The following AFF2 variants were observed in gnomAD, a reference collection of about 807,000 sequenced individuals.
AFF2 encodes the protein AF4/FMR2 family member 2.
In AFF2, 14 loss-of-function variants were observed where a neutral mutation model predicts 76.9. That is an observed-to-expected ratio of 0.18 (90% CI 0.12 to 0.28). The LOEUF (loss-of-function observed/expected upper bound fraction) is 0.28. Among genes scored for constraint, AFF2 ranks in the 10% least tolerant of loss-of-function variants. AFF2 has a pLI of 1.00. For synonymous variants in AFF2, 398 were observed against 366.7 expected, an observed-to-expected ratio of 1.09 and a Z score of -0.98; for missense variants, 868 against 1,001.1, an observed-to-expected ratio of 0.87 and a Z score of 1.79.
chrX:148,636,252 A>G (rs782706029), intron 1 of AFF2, among the ~76,000 whole-genome samples: 1 of 111,842 alleles, frequency 8.9e-6, no homozygotes, highest in South Asian at 3.8e-4. Context: ...CTAGCCAATC[A>G]GTGCTCTAAG....
At chrX:148,920,875 G>T (rs1557283125) in intron 9 of AFF2, among the ~76,000 whole-genome samples, 1 of 110,840 alleles carries the variant, frequency 9.0e-6, no homozygotes, top group Non-Finnish European at 1.9e-5. Flanking sequence ...TTGTGTTGGT[G>T]ATTTCGACGC....
intron 1 of AFF2, among the ~76,000 whole-genome samples, chrX:148,634,016 G>A (rs1271961363): frequency 5.4e-5 from 6 of 111,672 alleles, no homozygotes; most frequent in East Asian, 2.9e-4. Context: ...GCCACTGACC[G>A]GGTGGATGAC....
intron 3 of AFF2, among the ~76,000 whole-genome samples, chrX:148,777,870 C>G (rs1255313072): frequency 1.8e-5 from 2 of 111,942 alleles, no homozygotes; most frequent in African/African-American, 6.5e-5. Flanking sequence ...TTGCCCTGGC[C>G]AGAAATTCCA....
rs186447406 is a variant in AFF2 at position 148,973,636 on chromosome X, T to C, written c.3404+29T>C. ...AATAGCCTTTCTGCAATCATCTTCC[T>C]ACACTCATTTCAGCTAGAATTAGAA... On this transcript the variant is annotated intron_variant, in intron 16 of 20. Transcript: ENST00000370460. The C allele has an allele frequency of 2.8e-4, 328 of 1,158,186 alleles. 1 individual carries two copies. In the African/African-American group the frequency reaches 4.9e-3, roughly 17 times the overall value.
intron 20 of AFF2, among the ~76,000 whole-genome samples, chrX:148,989,433 T>A (rs2072510476): frequency 8.9e-6 from 1 of 112,227 alleles, no homozygotes; most frequent in Non-Finnish European, 1.9e-5. Context: ...GTTGCTAAAT[T>A]CCCTGTGTCA....
chrX:148,798,567 G>T, intron 3 of AFF2, among the ~76,000 whole-genome samples: 1 of 112,355 alleles, frequency 8.9e-6, no homozygotes, highest in South Asian at 3.7e-4. Flanking sequence ...TCAAGAGTAG[G>T]TCTGGTTAGT....
At chrX:148,806,730 C>T (rs1467303829) in intron 3 of AFF2, among the ~76,000 whole-genome samples, 6 of 111,855 alleles carry the variant, frequency 5.4e-5, no homozygotes, top group African/African-American at 2.0e-4. Flanking sequence ...GACTACCTTA[C>T]AATGTATGTC....
intron 3 of AFF2, among the ~76,000 whole-genome samples, chrX:148,703,216 G>T (rs919233906): frequency 1.2e-4 from 13 of 111,890 alleles, no homozygotes; most frequent in African/African-American, 4.2e-4. Context: ...AATATCAACT[G>T]CAATCTTCTA....
At chrX:148,711,710 A>G (rs1419614004) in intron 3 of AFF2, among the ~76,000 whole-genome samples, 2 of 112,093 alleles carry the variant, frequency 1.8e-5, no homozygotes, top group Non-Finnish European at 3.8e-5. Flanking sequence ...TTTTTATCCA[A>G]TATATTTCTT....
chrX:148,569,163 A>C (rs1360187409), intron 1 of AFF2, among the ~76,000 whole-genome samples: 1 of 110,698 alleles, frequency 9.0e-6, no homozygotes, highest in African/African-American at 3.3e-5. Flanking sequence ...GATGGTGATA[A>C]TGATCATGAT....
At chrX:148,889,000 A>G (rs1368000800) in intron 8 of AFF2, among the ~76,000 whole-genome samples, 1 of 111,843 alleles carries the variant, frequency 8.9e-6, no homozygotes, top group Non-Finnish European at 1.9e-5. Flanking sequence ...AAAGCCATTT[A>G]CTTTCTGGAG....
intron 1 of AFF2, among the ~76,000 whole-genome samples, chrX:148,576,769 A>T (rs1224533416): frequency 1.1e-5 from 1 of 94,319 alleles, no homozygotes; most frequent in Non-Finnish European, 2.1e-5. Context: ...AGCGACATGA[A>T]TGTGGTTTGG....
At chrX:148,575,476 C>T (rs1248790540) in intron 1 of AFF2, among the ~76,000 whole-genome samples, 6 of 111,384 alleles carry the variant, frequency 5.4e-5, no homozygotes, top group South Asian at 3.7e-4. Context: ...CAGGTGATTA[C>T]GTTTCCACAG....
At chrX:148,769,872 G>A (rs2069564872) in intron 3 of AFF2, among the ~76,000 whole-genome samples, 1 of 111,506 alleles carries the variant, frequency 9.0e-6, no homozygotes, top group Non-Finnish European at 1.9e-5. Flanking sequence ...AGTGCATTTT[G>A]CAAACCAATA....
chrX:148,506,940 C>T (rs1450863304), intron 1 of AFF2, among the ~76,000 whole-genome samples: 3 of 112,084 alleles, frequency 2.7e-5, no homozygotes, highest in Middle Eastern at 4.6e-3. Context: ...TTGCTCTTTT[C>T]GCTGCATCAC....
chrX:148,671,374 T>C lies in AFF2; in HGVS notation c.1041+8606T>C, dbSNP rs782604146. On this transcript the variant is annotated intron_variant, in intron 3 of 20. Coordinates refer to ENST00000370460, the MANE Select transcript of AFF2 (RefSeq NM_002025.4). ...TCTCTACTTTGGAAAGTGTGAAATATTGCAAAGCATAGTTTTAATGAGGTA... is the reference window on the plus strand; with the variant it reads ...TCTCTACTTTGGAAAGTGTGAAATACTGCAAAGCATAGTTTTAATGAGGTA... Among the ~76,000 whole-genome samples the C allele has an allele frequency of 8.0e-5, 9 of 112,151 alleles. No individual in the cohort carries two copies. In the East Asian group the frequency reaches 2.5e-3, roughly 31 times the overall value.
At chrX:148,712,260 C>G (rs782698604) in intron 3 of AFF2, among the ~76,000 whole-genome samples, 1 of 111,510 alleles carries the variant, frequency 9.0e-6, no homozygotes, top group Admixed American at 9.6e-5. Context: ...ACCAAGAATT[C>G]TTGTGCCTTG....
At chrX:148,907,568 G>A (rs782655737) in intron 9 of AFF2, among the ~76,000 whole-genome samples, 33 of 111,111 alleles carry the variant, frequency 3.0e-4, no homozygotes, top group South Asian at 1.5e-3. Context: ...CCCCCAAGCC[G>A]CAAAACCAGC....
chrX:148,619,861 T>A (rs189907691), intron 1 of AFF2, among the ~76,000 whole-genome samples: 91 of 112,383 alleles, frequency 8.1e-4, no homozygotes, highest in Non-Finnish European at 1.5e-3. Context: ...GAGTTCTGTG[T>A]GATCTACCAG....
Sources: gnomAD v4.1 joint callset for allele counts (sites outside exome capture counted in the v4.1 genomes callset) on GRCh38, gnomAD v4.1.1 for gene constraint, MANE v1.5 for transcripts, NCBI Gene and HGNC (gene_info 2026-07-23, HGNC 2026-07-21) for gene names.